TENM4: variants seen among roughly 807,000 people sequenced by gnomAD.
TENM4 encodes the protein teneurin-4.
A neutral mutation model predicts 243.3 loss-of-function variants in TENM4; 82 were observed. That is an observed-to-expected ratio of 0.34 (90% CI 0.28 to 0.40). The LOEUF (loss-of-function observed/expected upper bound fraction) is 0.40. Among genes scored for constraint, TENM4 ranks in the 10% least tolerant of loss-of-function variants. The pLI is 1.00. For synonymous variants in TENM4, 1,412 were observed against 1,456.3 expected, an observed-to-expected ratio of 0.97 and a Z score of 0.69; for missense variants, 3,138 against 3,673.3, an observed-to-expected ratio of 0.85 and a Z score of 3.77.
chr11:79,353,029 T>C (rs1037661382), intron 1 of TENM4, among the ~76,000 whole-genome samples: 1 of 151,986 alleles, frequency 6.6e-6, no homozygotes, highest in African/African-American at 2.4e-5. Flanking sequence ...ATGAACAAGA[T>C]CACTTCTTAA....
chr11:79,344,002 A>G (rs1459218019), intron 1 of TENM4, among the ~76,000 whole-genome samples: 1 of 152,152 alleles, frequency 6.6e-6, no homozygotes, highest in Non-Finnish European at 1.5e-5. Flanking sequence ...TGCTTTTAGC[A>G]TTTCTCCCTT....
chr11:78,909,593 A>G (rs1171314162), intron 6 of TENM4, among the ~76,000 whole-genome samples: 1 of 152,218 alleles, frequency 6.6e-6, no homozygotes, highest in Non-Finnish European at 1.5e-5. Context: ...GTCGACCACA[A>G]TAATTCTTAT....
intron 2 of TENM4, among the ~76,000 whole-genome samples, chr11:79,260,756 C>T (rs1374595199): frequency 6.6e-6 from 1 of 152,210 alleles, no homozygotes; most frequent in Non-Finnish European, 1.5e-5. Context: ...GGCTGTACCT[C>T]ATTACTGCCA....
chr11:79,322,645 G>C (rs1257295516), intron 1 of TENM4, among the ~76,000 whole-genome samples: 1 of 151,792 alleles, frequency 6.6e-6, no homozygotes. Context: ...TAGTAGATGA[G>C]AAAGGGAAAA....
chr11:78,856,259 C>T (rs962792663), intron 10 of TENM4, 81 bp from the exon 11 acceptor site: 12 of 1,224,800 alleles, frequency 9.8e-6, no homozygotes, highest in Admixed American at 2.1e-5. Context: ...TCTGAACACC[C>T]GGGACTCTCC....
Position 78,823,715 on chromosome 11 carries a change from C to A in TENM4, c.1682-9320G>T, listed in dbSNP as rs543956036. Among the ~76,000 whole-genome samples the A allele has an allele frequency of 9.5e-4, 144 of 152,208 alleles. 1 individual carries two copies. The highest frequency in any genetic ancestry group is 1.6e-3 in the Non-Finnish European group (111 of 67,980). The stretch of plus-strand genomic sequence containing the variant: ...CCGGATTCCTAGAAGCTTCTCGGTG[C>A]CTATTTTCGTCCCCAGCAATAGGAA... On this transcript the variant is annotated intron_variant, in intron 12 of 33. Coordinates refer to ENST00000278550, the MANE Select transcript of TENM4 (RefSeq NM_001098816.3).
At chr11:79,437,534 C>A (rs894569108) in intron 1 of TENM4, among the ~76,000 whole-genome samples, 19 of 152,234 alleles carry the variant, frequency 1.2e-4, no homozygotes, top group Non-Finnish European at 2.1e-4. Flanking sequence ...GGCCGCCCCG[C>A]TGGTTCGCAC....
At chr11:79,436,558 T>C (rs1284439115) in intron 1 of TENM4, among the ~76,000 whole-genome samples, 2 of 152,210 alleles carry the variant, frequency 1.3e-5, no homozygotes, top group Admixed American at 1.3e-4. Flanking sequence ...CAGATTCTAT[T>C]GGAAGAGAGT....
chr11:79,159,756 C>T lies in TENM4; in HGVS notation c.-162-10950G>A, dbSNP rs963718721. On this transcript the variant is annotated intron_variant, in intron 3 of 33. Transcript: ENST00000278550. ...TGATTTGACTACTGGTTCACTCACT[C>T]GTTCACTCAATCAATTATTCTATTA... 3.9e-5 allele frequency among the ~76,000 whole-genome samples: 6 copies of T among 152,262 alleles called. No individual in the cohort carries two copies. In the East Asian group the frequency reaches 1.2e-3, roughly 29 times the overall value.
intron 6 of TENM4, among the ~76,000 whole-genome samples, chr11:78,951,337 T>C (rs978108427): frequency 1.6e-4 from 25 of 152,294 alleles, no homozygotes; most frequent in Non-Finnish European, 2.6e-4. Flanking sequence ...GCTAAATGAA[T>C]GGACAGATGA....
At chr11:78,782,082 G>C (rs543439441) in intron 16 of TENM4, among the ~76,000 whole-genome samples, 4 of 152,166 alleles carry the variant, frequency 2.6e-5, no homozygotes, top group Non-Finnish European at 5.9e-5. Context: ...TTATCACAGG[G>C]TCCTATACCT....
At chr11:79,158,623 C>G (rs1862675087) in intron 3 of TENM4, among the ~76,000 whole-genome samples, 1 of 152,184 alleles carries the variant, frequency 6.6e-6, no homozygotes, top group South Asian at 2.1e-4. Context: ...AGAAGAATAT[C>G]ATTTCTCATT....
chr11:79,222,635 C>CTT (rs1864184654), intron 2 of TENM4, among the ~76,000 whole-genome samples: 1 of 152,328 alleles, frequency 6.6e-6, no homozygotes, highest in African/African-American at 2.4e-5. Context: ...AATGTAAAAG[C>CTT]ATTCCTATTT....
chr11:79,134,307 A>C (rs1380585917), intron 4 of TENM4, among the ~76,000 whole-genome samples: 1 of 152,202 alleles, frequency 6.6e-6, no homozygotes, highest in Non-Finnish European at 1.5e-5. Context: ...AAAGATCTCT[A>C]CAAGGAAAAC....
At chr11:78,671,354 C>A (rs1858321167) in intron 31 of TENM4, among the ~76,000 whole-genome samples, 1 of 152,158 alleles carries the variant, frequency 6.6e-6, no homozygotes, top group Non-Finnish European at 1.5e-5. Flanking sequence ...GTAGAGGAGA[C>A]CCACCTCAGA....
intron 6 of TENM4, among the ~76,000 whole-genome samples, chr11:78,955,687 G>A (rs920403456): frequency 1.3e-5 from 2 of 152,212 alleles, no homozygotes; most frequent in Admixed American, 6.5e-5. Context: ...CTCCCAGGAT[G>A]TTCAGTTACA....
intron 2 of TENM4, among the ~76,000 whole-genome samples, chr11:79,233,399 A>C (rs1343228591): frequency 1.3e-5 from 2 of 152,198 alleles, no homozygotes; most frequent in Admixed American, 1.3e-4. Context: ...GGGAGCTATG[A>C]AGACCAGGGA....
intron 6 of TENM4, among the ~76,000 whole-genome samples, chr11:78,987,752 G>C (rs1361065980): frequency 6.6e-6 from 1 of 152,210 alleles, no homozygotes; most frequent in African/African-American, 2.4e-5. Context: ...TTTCTATCTT[G>C]TAGGCACTGT....
At chr11:78,946,353 A>G (rs1224769255) in intron 6 of TENM4, among the ~76,000 whole-genome samples, 1 of 152,228 alleles carries the variant, frequency 6.6e-6, no homozygotes, top group Non-Finnish European at 1.5e-5. Context: ...TGTTTACAGC[A>G]TGGTTTACTG....
Sources: allele counts gnomAD v4.1 joint callset (sites outside exome capture counted in the v4.1 genomes callset), GRCh38; gene constraint gnomAD v4.1.1; transcripts MANE v1.5; gene names NCBI Gene and HGNC (gene_info 2026-07-23, HGNC 2026-07-21).